ARID1B: variants seen among roughly 807,000 people sequenced by gnomAD.
The protein encoded by ARID1B is AT-rich interaction domain 1B.
A neutral mutation model predicts 212.3 loss-of-function variants in ARID1B; 30 were observed. The observed-to-expected ratio is 0.14, with a 90% CI of 0.11 to 0.19. The LOEUF (loss-of-function observed/expected upper bound fraction) is 0.19, where lower values mean the gene tolerates loss of function less well. Ranked by LOEUF, ARID1B falls within the 10% of genes least tolerant of loss-of-function variation. The pLI is 1.00. For missense variants in ARID1B, 2,891 were observed against 3,204.0 expected (o/e 0.90, Z 2.36); for synonymous variants, 1,402 against 1,301.7 (o/e 1.08, Z -1.66).
Position 157,200,840 on chromosome 6 carries a change from C to T in ARID1B, c.4615C>T (p.Arg1539Cys), listed in dbSNP as rs772972321. ...TGGAGGCTCCTACTCGGGCCCGGAC[C>T]GCAGGCCCATCCAGGGCCAGTACCC... The part of the protein sequence containing the change: ...QYGGSYSGPD[R>C]RPIQGQYPYP... Residue 1539 changes from arginine (R) to cysteine (C), a missense_variant, in exon 18 of 20, where the codon CGC (arginine) becomes TGC (cysteine). Arg to Cys is a radical substitution (Grantham distance 180, BLOSUM62 -3). Around this residue, in one of 7 missense-constraint regions of ARID1B, gnomAD observed 666 missense variants for 873.5 expected, o/e 0.76. Transcript: ENST00000636930. This position sits in a 1 kb window ranked among gnomAD's most constrained non-coding sequence, Gnocchi z 4.3. 4.3e-6 allele frequency: 7 copies of T among 1,613,968 alleles called. No individual in the cohort carries two copies. Among genetic ancestry groups the T allele is most frequent in the Middle Eastern group, 1.6e-4 (1 of 6,082 alleles).
chr6:157,141,632 CTTTA>C (rs987972161), intron 7 of ARID1B, among the ~76,000 whole-genome samples: 13 of 152,144 alleles, frequency 8.5e-5, no homozygotes, highest in African/African-American at 3.1e-4. Flanking sequence ...TGAAATAGAA[CTTTA>C]TTTTTCACAG....
rs772302707 is a variant in ARID1B at position 157,174,128 on chromosome 6, C to T, written c.3345+11C>T. The T allele has an allele frequency of 1.9e-6, 3 of 1,609,720 alleles. No homozygotes were observed. Among genetic ancestry groups the T allele is most frequent in the Non-Finnish European group, 2.6e-6 (3 of 1,176,032 alleles). Reference sequence around the variant, plus strand: ...GAGAGCAAGTCAAAGGTACTTCCTTCGCCTCTGCACGCGGTGTGAGGTCTG... The same window carrying T: ...GAGAGCAAGTCAAAGGTACTTCCTTTGCCTCTGCACGCGGTGTGAGGTCTG... On this transcript the variant is annotated intron_variant, in intron 10 of 19. Transcript: ENST00000636930.
chr6:157,050,031 A>G (rs886631206), intron 4 of ARID1B, among the ~76,000 whole-genome samples: 2 of 152,178 alleles, frequency 1.3e-5, no homozygotes, highest in African/African-American at 4.8e-5. Flanking sequence ...GGACCCCTGG[A>G]ACATCAGCAC....
chr6:156,809,121 C>T (rs944744479), intron 1 of ARID1B, among the ~76,000 whole-genome samples: 3 of 152,062 alleles, frequency 2.0e-5, no homozygotes, highest in African/African-American at 7.2e-5. Context: ...GCCTACTTTA[C>T]GTTACTTACT....
At chr6:156,932,428 A>T (rs1791824253) in intron 3 of ARID1B, among the ~76,000 whole-genome samples, 1 of 152,208 alleles carries the variant, frequency 6.6e-6, no homozygotes, top group Non-Finnish European at 1.5e-5. Flanking sequence ...TCTATACAGC[A>T]GATAAATGTA....
chr6:156,940,493 G>T (rs550860597), intron 4 of ARID1B: 5 of 152,182 alleles, frequency 3.3e-5, no homozygotes, highest in Non-Finnish European at 5.9e-5. Context: ...AGTAAATGCT[G>T]GTCGTTCTTT....
Position 156,896,576 on chromosome 6 carries a change from CAAAAAAAA to C in ARID1B, c.1987-4783_1987-4776del, listed in dbSNP as rs72490811. On this transcript the variant is annotated intron_variant, in intron 2 of 19. Transcript: ENST00000636930. ...GGGCAACAAGAGCAAAACTGCGTCTCAAAAAAAAAAAAAAAAAAAAAAAAGAGGACACA... is the reference window on the plus strand; with the variant it reads ...GGGCAACAAGAGCAAAACTGCGTCTCAAAAAAAAAAAAAAAAGAGGACACA... 2.2e-4 allele frequency among the ~76,000 whole-genome samples: 10 copies of C among 45,910 alleles called. 1 individual carries two copies. The South Asian group carries it at 3.3e-3, about 15-fold the overall frequency. 30.1% of individuals were successfully genotyped at this position (45,910 alleles called of 152,430 possible). A position where few individuals can be genotyped will look rare whatever the true frequency, so the allele number is the denominator to read the frequency against.
At chr6:156,818,098 ATTTTTTTTTTTTTTTTT>A (rs71027317) in intron 1 of ARID1B, among the ~76,000 whole-genome samples, 1 of 61,322 alleles carries the variant, frequency 1.6e-5, no homozygotes, top group Non-Finnish European at 2.9e-5. Flanking sequence ...TAGTTGCCCT[ATTTTTTTTTTTTTTTTT>A]TTTTTTTTTA....
chr6:156,851,931 T>G (rs1784605159), intron 2 of ARID1B, among the ~76,000 whole-genome samples: 1 of 152,214 alleles, frequency 6.6e-6, no homozygotes, highest in Non-Finnish European at 1.5e-5. Flanking sequence ...AAAGGTATTA[T>G]GGAGATATTG....
intron 2 of ARID1B, among the ~76,000 whole-genome samples, chr6:156,832,166 A>G (rs1366103992): frequency 6.6e-6 from 1 of 152,224 alleles, no homozygotes; most frequent in Non-Finnish European, 1.5e-5. Flanking sequence ...TTTAGAGCAA[A>G]GGTTATTAGA....
chr6:157,054,176 A>T (rs1234051901), intron 4 of ARID1B, among the ~76,000 whole-genome samples: 1 of 149,106 alleles, frequency 6.7e-6, no homozygotes, highest in Non-Finnish European at 1.5e-5. Flanking sequence ...GTGAGCCAAG[A>T]TTGTGCCATT....
intron 2 of ARID1B, among the ~76,000 whole-genome samples, chr6:156,848,747 A>G (rs1268096424): frequency 6.6e-6 from 1 of 152,138 alleles, no homozygotes; most frequent in Non-Finnish European, 1.5e-5. Context: ...TGGCCTGGGA[A>G]TGGAGCTTAG....
At chr6:157,171,160 G>C (rs139696684) in intron 9 of ARID1B, among the ~76,000 whole-genome samples, 141 of 152,352 alleles carry the variant, frequency 9.3e-4, no homozygotes, top group Non-Finnish European at 1.7e-3. Flanking sequence ...TAAATCCAGT[G>C]TGGAATAGCT....
chr6:156,811,045 G>C (rs1314328903), intron 1 of ARID1B, among the ~76,000 whole-genome samples: 1 of 152,138 alleles, frequency 6.6e-6, no homozygotes, highest in Non-Finnish European at 1.5e-5. Context: ...GGCCGCCTCA[G>C]ACTGTTGGCA....
At chr6:157,037,171 C>A (rs1781386606) in intron 4 of ARID1B, among the ~76,000 whole-genome samples, 1 of 152,140 alleles carries the variant, frequency 6.6e-6, no homozygotes, top group Admixed American at 6.5e-5. Context: ...TTAAATTTTG[C>A]CCCAGTTTGG....
intron 4 of ARID1B, among the ~76,000 whole-genome samples, chr6:157,043,335 A>G (rs535857684): frequency 1.3e-5 from 2 of 151,372 alleles, no homozygotes; most frequent in Non-Finnish European, 2.9e-5. Context: ...TCTCTCTTCT[A>G]TGATTTGTCT....
At chr6:156,899,562 G>A (rs1488281083) in intron 2 of ARID1B, among the ~76,000 whole-genome samples, 1 of 152,186 alleles carries the variant, frequency 6.6e-6, no homozygotes, top group African/African-American at 2.4e-5. Context: ...CAGTCGTGTA[G>A]GTGGTTGCTC....
At chr6:157,187,784 G>A (rs972261942) in intron 13 of ARID1B, among the ~76,000 whole-genome samples, 1 of 151,728 alleles carries the variant, frequency 6.6e-6, no homozygotes, top group Non-Finnish European at 1.5e-5. Context: ...CACTGGCAAG[G>A]GAGATTTTTC....
At chr6:157,131,222 A>C in intron 6 of ARID1B, among the ~76,000 whole-genome samples, 1 of 152,206 alleles carries the variant, frequency 6.6e-6, no homozygotes, top group East Asian at 1.9e-4. Context: ...ACCACGTCCC[A>C]CACGCTCTGC....
Sources: allele counts gnomAD v4.1 joint callset (sites outside exome capture counted in the v4.1 genomes callset), GRCh38; gene constraint gnomAD v4.1.1; regional missense constraint gnomAD v4.1.1; non-coding constraint Gnocchi (gnomAD v3.1); transcripts MANE v1.5; gene names NCBI Gene and HGNC (gene_info 2026-07-23, HGNC 2026-07-21).